MIDEAS: variants seen among roughly 807,000 people sequenced by gnomAD.
The protein encoded by MIDEAS is mitotic deacetylase associated SANT domain protein, also known as mitotic deacetylase-associated SANT domain protein.
In MIDEAS, 26 loss-of-function variants were observed where a neutral mutation model predicts 102.7. That is an observed-to-expected ratio of 0.25 (90% CI 0.19 to 0.35). The LOEUF (loss-of-function observed/expected upper bound fraction) is 0.35. Among genes scored for constraint, MIDEAS ranks in the 10% least tolerant of loss-of-function variants. MIDEAS has a pLI of 1.00. For synonymous variants in MIDEAS, 585 were observed against 591.0 expected (o/e 0.99, Z 0.15); for missense variants, 1,231 against 1,435.6 (o/e 0.86, Z 2.30).
chr14:73,769,273 C>T (rs902910000), intron 1 of MIDEAS, among the ~76,000 whole-genome samples: 5 of 152,162 alleles, frequency 3.3e-5, no homozygotes, highest in African/African-American at 9.7e-5. Context: ...GAGGACTTGC[C>T]GTTTCCCAAC....
rs987066575 is a variant in MIDEAS at position 73,779,188 on chromosome 14, A to C, written c.-248+7914T>G. On this transcript the variant is annotated intron_variant, in intron 1 of 11. Coordinates refer to the MIDEAS transcript ENST00000394071. ...GAGTACTTGAGGTTAGGAGTTCGAG[A>C]CCAGCCTGGCCAACATGGTGAAACC... 2.6e-5 allele frequency among the ~76,000 whole-genome samples: 4 copies of C among 151,860 alleles called. 1 individual carries two copies. The East Asian group carries it at 7.8e-4, about 30-fold the overall frequency.
chr14:73,720,174 C>T (rs2052966875), intron 11 of MIDEAS, among the ~76,000 whole-genome samples: 1 of 151,484 alleles, frequency 6.6e-6, no homozygotes, highest in Non-Finnish European at 1.5e-5. Context: ...CAGAAGTGGG[C>T]ACACAGCCGT....
intron 1 of MIDEAS, among the ~76,000 whole-genome samples, chr14:73,754,712 G>C (rs1475394834): frequency 6.6e-6 from 1 of 152,144 alleles, no homozygotes; most frequent in Non-Finnish European, 1.5e-5. Context: ...AAGGCCAGGA[G>C]GGGAGGAGGA....
chr14:73,739,712 G>C lies in MIDEAS; in HGVS notation c.297C>G (p.Asn99Lys). The C allele has an allele frequency of 6.2e-7, 1 of 1,613,956 alleles. No homozygotes were observed. The highest frequency in any genetic ancestry group is 8.5e-7 in the Non-Finnish European group (1 of 1,180,012). Residue 99 changes from asparagine (N) to lysine (K), a missense_variant, in exon 2 of 13, where the codon AAC (asparagine) becomes AAG (lysine). By Grantham distance (94) the Asn-to-Lys change is moderately conservative. Coordinates refer to ENST00000423556, the MANE Select transcript of MIDEAS (RefSeq NM_001367710.1). ...SQQVASVKWP[N>K]SVMAPGRGPE... The stretch of plus-strand genomic sequence containing the variant: ...GGCCCCGCCCTGGAGCCATCACAGA[G>C]TTGGGCCACTTTACTGAGGCCACCT...
Position 73,718,845 on chromosome 14 carries a change from A to G in MIDEAS, c.3298T>C (p.Ter1100ArgextTer31). ...REESGAGDKG* is the reference protein window; with the variant it reads ...REESGAGDKGR ...CTGGGCCAGCCTGGCTCCCGCGCTC[A>G]GCCCTTGTCGCCCGCACCGCTCTCC... Residue 1100 changes from the stop codon to arginine, a stop_lost, in exon 13 of 13, where the codon TGA becomes CGA. Transcript: ENST00000423556. The G allele has an allele frequency of 6.8e-7, 1 of 1,467,244 alleles. No homozygotes were observed. Among genetic ancestry groups the G allele is most frequent in the Non-Finnish European group, 8.9e-7 (1 of 1,118,248 alleles). 90.9% of individuals were successfully genotyped at this position (1,467,244 alleles called of 1,614,324 possible). A position where few individuals can be genotyped will look rare whatever the true frequency, so the allele number is the denominator to read the frequency against.
In MIDEAS at chr14:73,748,674, C is replaced by T. The variant is rs116745625; in HGVS notation, c.-247-8419G>A. On this transcript the variant is annotated intron_variant, in intron 1 of 12. Coordinates refer to ENST00000423556, the MANE Select transcript of MIDEAS (RefSeq NM_001367710.1). ...ATCGCAGCTACTCAGGAGGCTGAGA[C>T]AGGAGAACTATTTGAACCTGAGAGG... Among the ~76,000 whole-genome samples the T allele has an allele frequency of 4.4e-3, 662 of 149,234 alleles. 5 individuals carry two copies. Among genetic ancestry groups the T allele is most frequent in the African/African-American group, 0.016 (637 of 40,538 alleles).
chr14:73,781,634 C>T (rs753250463), intron 1 of MIDEAS, among the ~76,000 whole-genome samples: 4 of 144,786 alleles, frequency 2.8e-5, no homozygotes, highest in Non-Finnish European at 5.9e-5. Flanking sequence ...CTCGGGAGGC[C>T]GAGGTAGTAG....
intron 4 of MIDEAS, 162 bp from the exon 5 acceptor site, chr14:73,727,686 G>A (rs948219650): frequency 2.2e-5 from 14 of 623,382 alleles, no homozygotes; most frequent in Non-Finnish European, 3.3e-5. Context: ...TGTCACCTAC[G>A]AAAACGCAGG....
chr14:73,764,362 AAC>A (rs1167723756), upstream of MIDEAS, among the ~76,000 whole-genome samples: 15 of 149,996 alleles, frequency 1.0e-4, no homozygotes, highest in African/African-American at 3.2e-4. Flanking sequence ...AAAAAAAAAA[AAC>A]AAAACAAAAC....
intron 1 of MIDEAS, among the ~76,000 whole-genome samples, chr14:73,779,570 A>ATTTT (rs774103102): frequency 1.2e-3 from 71 of 60,156 alleles, no homozygotes; most frequent in African/African-American, 2.9e-3. Context: ...TATTATTATT[A>ATTTT]TTATTTTTTT....
intron 1 of MIDEAS, among the ~76,000 whole-genome samples, chr14:73,769,658 G>A (rs1487382058): frequency 6.6e-6 from 1 of 152,132 alleles, no homozygotes; most frequent in African/African-American, 2.4e-5. Flanking sequence ...CTGGAGTGCA[G>A]TGGTGCAATC....
intron 1 of MIDEAS, among the ~76,000 whole-genome samples, chr14:73,751,476 G>A (rs982969469): frequency 3.3e-5 from 5 of 152,228 alleles, no homozygotes; most frequent in Non-Finnish European, 5.9e-5. Flanking sequence ...GGCTTTGAAG[G>A]TGAAGAGGCT....
intron 1 of MIDEAS, among the ~76,000 whole-genome samples, chr14:73,749,634 C>T (rs572168013): frequency 6.7e-6 from 1 of 149,742 alleles, no homozygotes; most frequent in African/African-American, 2.4e-5. Flanking sequence ...ACACTCTCTA[C>T]AATAGATCAT....
At chr14:73,724,420 T>G (rs762823241) in intron 9 of MIDEAS, 13 of 152,254 alleles carry the variant, frequency 8.5e-5, no homozygotes, top group Non-Finnish European at 1.9e-4. Context: ...ACCCTTTGTT[T>G]GACTGACTAA....
chr14:73,720,637 C>T (rs2052977035), intron 11 of MIDEAS, among the ~76,000 whole-genome samples: 1 of 152,182 alleles, frequency 6.6e-6, no homozygotes, highest in African/African-American at 2.4e-5. Context: ...TGGGAGAACT[C>T]TCCCTGGCAA....
In MIDEAS at chr14:73,759,549, T is replaced by C. The variant is rs2053532091; in HGVS notation, c.-248+214A>G. On this transcript the variant is annotated intron_variant, in intron 1 of 12. Transcript: ENST00000423556. The surrounding 1 kb of genome is among the most constrained non-coding windows in gnomAD (Gnocchi z 6.7). The stretch of plus-strand genomic sequence containing the variant: ...GACCGCGGGGGAGGGGGCGGCGGGC[T>C]GCAGGCGGCCCCCGCACGGCCACAC... 1.3e-5 allele frequency among the ~76,000 whole-genome samples: 2 copies of C among 148,786 alleles called. No individual in the cohort carries two copies. Among genetic ancestry groups the C allele is most frequent in the African/African-American group, 2.4e-5 (1 of 41,036 alleles).
At chr14:73,766,807 C>A (rs2053595114) in intron 1 of MIDEAS, among the ~76,000 whole-genome samples, 1 of 151,086 alleles carries the variant, frequency 6.6e-6, no homozygotes, top group South Asian at 2.1e-4. Context: ...CCCGTCTCAG[C>A]CTCCCAAAGT....
At chr14:73,722,591 A>G (rs557872719) in intron 10 of MIDEAS, 107 bp downstream of exon 10, 4 of 1,385,362 alleles carry the variant, frequency 2.9e-6, no homozygotes, top group South Asian at 2.7e-5. Context: ...GTCTTCCTCA[A>G]CCTGCCCTCT....
rs888122465 is a variant in MIDEAS, at chr14:73,718,905, C to G, written c.3238G>C (p.Ala1080Pro). ...LRLKEKEAAA[A>P]AAAAHQQALR... ...GCCTGCTGGTGGGCGGCGGCGGCGGCAGCAGCGGCCTCTTTCTCCTTCAGC... is the reference window on the plus strand; with the variant it reads ...GCCTGCTGGTGGGCGGCGGCGGCGGGAGCAGCGGCCTCTTTCTCCTTCAGC... Residue 1080 changes from alanine to proline, a missense_variant, in exon 13 of 13, where the codon GCC (alanine) becomes CCC (proline). This residue lies in a region of MIDEAS where 71 missense variants were observed against 51.9 expected (regional missense o/e 1.37). Coordinates refer to ENST00000423556, the MANE Select transcript of MIDEAS (RefSeq NM_001367710.1). 1 of 1,522,066 alleles carries G rather than the reference C, an allele frequency of 6.6e-7. No homozygotes were observed. Among genetic ancestry groups the G allele is most frequent in the East Asian group, 2.5e-5 (1 of 40,086 alleles). 94.3% of individuals were successfully genotyped at this position (1,522,066 alleles called of 1,614,324 possible).
Sources: gnomAD v4.1 joint callset for allele counts (sites outside exome capture counted in the v4.1 genomes callset) on GRCh38, gnomAD v4.1.1 for gene constraint, gnomAD v4.1.1 regional missense constraint, Gnocchi (gnomAD v3.1) non-coding constraint, MANE v1.5 for transcripts, NCBI Gene and HGNC (gene_info 2026-07-23, HGNC 2026-07-21) for gene names.